The following CPNE4 variants were observed in gnomAD, a reference collection of about 807,000 sequenced individuals.
The protein encoded by CPNE4 is copine 4.
A neutral mutation model predicts 67.9 loss-of-function variants in CPNE4; 25 were observed. That is an observed-to-expected ratio of 0.37 (90% CI 0.27 to 0.51). The LOEUF is 0.51. Ranked by LOEUF, CPNE4 falls within the 20% of genes least tolerant of loss-of-function variation. The pLI is 0.93. For synonymous variants in CPNE4, 242 were observed against 244.9 expected (o/e 0.99, Z 0.11); for missense variants, 464 against 690.8 (o/e 0.67, Z 3.68).
intron 2 of CPNE4, among the ~76,000 whole-genome samples, chr3:131,855,020 G>C (rs555457376): frequency 6.6e-6 from 1 of 152,058 alleles, no homozygotes; most frequent in Admixed American, 6.6e-5. Flanking sequence ...CGGTATTTCT[G>C]TAACTTCTTT....
intron 1 of CPNE4, among the ~76,000 whole-genome samples, chr3:132,023,003 C>T (rs543614034): frequency 1.3e-5 from 2 of 152,286 alleles, no homozygotes; most frequent in African/African-American, 4.8e-5. Flanking sequence ...CTTAATGATG[C>T]TATAAAGCAT....
At chr3:132,026,474 A>T (rs923213201) in intron 1 of CPNE4, among the ~76,000 whole-genome samples, 2 of 152,206 alleles carry the variant, frequency 1.3e-5, no homozygotes, top group Non-Finnish European at 2.9e-5. Flanking sequence ...CATGGACTGG[A>T]TAAATGTGCC....
intron 7 of CPNE4, among the ~76,000 whole-genome samples, chr3:131,615,596 A>C (rs182371524): frequency 1.1e-4 from 16 of 152,322 alleles, no homozygotes; most frequent in Non-Finnish European, 5.9e-5. Context: ...AAGTGTTCTT[A>C]AAACCTTTGT....
intron 2 of CPNE4, among the ~76,000 whole-genome samples, chr3:131,862,506 G>A (rs569434791): frequency 3.3e-5 from 5 of 151,900 alleles, no homozygotes; most frequent in African/African-American, 9.7e-5. Context: ...CTCTTACATG[G>A]CCACTAATTG....
At chr3:131,697,652 T>C (rs1222971710) in intron 4 of CPNE4, among the ~76,000 whole-genome samples, 6 of 152,190 alleles carry the variant, frequency 3.9e-5, no homozygotes, top group Non-Finnish European at 5.9e-5. Context: ...TCCAGGTATA[T>C]AGGAAAAACT....
At position 131,994,052 on chromosome 3, in the gene CPNE4, A is replaced by G. The variant is rs183334027; in HGVS notation, c.-2+40515T>C. 5.3e-4 allele frequency among the ~76,000 whole-genome samples: 72 copies of G among 136,658 alleles called. 7 individuals are homozygous for G. The highest frequency in any genetic ancestry group is 1.7e-3 in the African/African-American group (69 of 40,890). The allele number at this position is 136,658 out of a possible 152,430, so 89.7% of individuals were successfully genotyped here. ...TGGAATGGAAAATTTGCATTTTGCA[A>G]AAGTACTATTTATAATGGCACCAGA... is the stretch of plus-strand genomic sequence containing the variant. On this transcript the variant is annotated intron_variant, in intron 1 of 15. Coordinates refer to ENST00000429747, the MANE Select transcript of CPNE4 (RefSeq NM_130808.3).
At chr3:131,834,215 C>A (rs1340625260) in intron 2 of CPNE4, among the ~76,000 whole-genome samples, 1 of 152,066 alleles carries the variant, frequency 6.6e-6, no homozygotes, top group Non-Finnish European at 1.5e-5. Flanking sequence ...TTTATAATAA[C>A]CTTTATCTTC....
At chr3:131,922,433 C>T (rs2070766869) in intron 1 of CPNE4, among the ~76,000 whole-genome samples, 1 of 152,148 alleles carries the variant, frequency 6.6e-6, no homozygotes, top group Non-Finnish European at 1.5e-5. Flanking sequence ...ACTACCTCAT[C>T]CATAAACTAA....
At chr3:131,724,597 G>T (rs1369464230) in intron 2 of CPNE4, among the ~76,000 whole-genome samples, 1 of 152,174 alleles carries the variant, frequency 6.6e-6, no homozygotes, top group Non-Finnish European at 1.5e-5. Flanking sequence ...GAACAGAGAG[G>T]TGCAGGCATG....
At chr3:131,996,407 G>C (rs1352816075) in intron 1 of CPNE4, among the ~76,000 whole-genome samples, 1 of 151,952 alleles carries the variant, frequency 6.6e-6, no homozygotes, top group South Asian at 2.1e-4. Context: ...GGAGGGAAAA[G>C]AGTCATTGCC....
intron 2 of CPNE4, among the ~76,000 whole-genome samples, chr3:131,817,462 G>C (rs750062759): frequency 1.4e-4 from 21 of 152,202 alleles, no homozygotes; most frequent in Non-Finnish European, 2.4e-4. Flanking sequence ...TGAATAGTAG[G>C]ACAGGAGGTC....
chr3:131,615,880 ATC>A (rs145188802), intron 7 of CPNE4, among the ~76,000 whole-genome samples: 23,969 of 135,700 alleles, frequency 0.18, 2,429 homozygotes, highest in African/African-American at 0.31. Flanking sequence ...GCAAAACCCC[ATC>A]TCTCTCTCTC....
chr3:131,931,179 G>T (rs573648578), intron 1 of CPNE4, among the ~76,000 whole-genome samples: 1 of 152,206 alleles, frequency 6.6e-6, no homozygotes, highest in Admixed American at 6.5e-5. Context: ...GATTAGACTG[G>T]CAGGATCTTT....
chr3:131,853,420 T>C (rs2086313393), intron 2 of CPNE4, among the ~76,000 whole-genome samples: 1 of 151,700 alleles, frequency 6.6e-6, no homozygotes, highest in African/African-American at 2.4e-5. Flanking sequence ...CAAAATTAAT[T>C]TGAGATGGAT....
At chr3:131,893,889 G>A (rs1057222706) in intron 2 of CPNE4, among the ~76,000 whole-genome samples, 6 of 151,592 alleles carry the variant, frequency 4.0e-5, no homozygotes, top group Admixed American at 2.6e-4. Flanking sequence ...ACCTAATAGT[G>A]CACCTCAAGA....
intron 1 of CPNE4, among the ~76,000 whole-genome samples, chr3:131,935,199 C>T (rs1178263616): frequency 2.0e-5 from 3 of 152,070 alleles, no homozygotes; most frequent in Non-Finnish European, 4.4e-5. Flanking sequence ...CAGCAAGTAG[C>T]TGGGTTCAGT....
At chr3:131,953,821 T>A in intron 1 of CPNE4, among the ~76,000 whole-genome samples, 1 of 152,206 alleles carries the variant, frequency 6.6e-6, no homozygotes, top group Non-Finnish European at 1.5e-5. Flanking sequence ...AGTTCTTACG[T>A]TTGATAGAAA....
intron 2 of CPNE4, among the ~76,000 whole-genome samples, chr3:131,821,693 G>C (rs183240217): frequency 6.6e-6 from 1 of 152,140 alleles, no homozygotes; most frequent in East Asian, 1.9e-4. Flanking sequence ...TTAGAAAGGA[G>C]GAACATAGCT....
At chr3:131,609,659 T>C (rs1336968390) in intron 7 of CPNE4, among the ~76,000 whole-genome samples, 3 of 152,166 alleles carry the variant, frequency 2.0e-5, no homozygotes, top group Admixed American at 6.5e-5. Flanking sequence ...AAATGATACA[T>C]GTAAGGGAAT....
Sources: allele counts gnomAD v4.1 joint callset (sites outside exome capture counted in the v4.1 genomes callset), GRCh38; gene constraint gnomAD v4.1.1; transcripts MANE v1.5; gene names NCBI Gene and HGNC (gene_info 2026-07-23, HGNC 2026-07-21).